The following MGMT variants were observed in gnomAD, a reference collection of about 807,000 sequenced individuals.
MGMT encodes methylated-DNA--protein-cysteine methyltransferase.
Under a neutral mutation model 15.9 loss-of-function variants are expected in MGMT, and 14 were observed. The ratio of observed to expected loss-of-function variants is 0.88; its 90% confidence interval spans 0.58 to 1.37. The LOEUF (loss-of-function observed/expected upper bound fraction) is 1.37, where lower values mean the gene tolerates loss of function less well. Ranked by LOEUF, MGMT falls within the 40% of genes most tolerant of loss-of-function variation. The probability of loss-of-function intolerance (pLI) is 0.00; values close to 1 mark genes in which losing one functional copy is unlikely to be tolerated. For synonymous variants in MGMT, 130 were observed against 118.2 expected (o/e 1.10, Z -0.65); for missense variants, 282 against 268.1 (o/e 1.05, Z -0.36).
At chr10:129,563,653 G>A (rs1014662369) in intron 2 of MGMT, 1 of 152,200 alleles carries the variant, frequency 6.6e-6, no homozygotes, top group African/African-American at 2.4e-5. Flanking sequence ...GGTCAGCCCA[G>A]GGACAGTGCT....
intron 2 of MGMT, among the ~76,000 whole-genome samples, chr10:129,642,717 G>A (rs1847341412): frequency 1.3e-5 from 2 of 152,252 alleles, no homozygotes; most frequent in South Asian, 4.1e-4. Flanking sequence ...CGTTTTCTAA[G>A]CATTCCACAG....
intron 2 of MGMT, among the ~76,000 whole-genome samples, chr10:129,601,153 A>G (rs1846817005): frequency 6.6e-6 from 1 of 151,828 alleles, no homozygotes; most frequent in Non-Finnish European, 1.5e-5. Context: ...AGGCGTCAAC[A>G]TTTGAACCGC....
intron 2 of MGMT, among the ~76,000 whole-genome samples, chr10:129,653,173 A>C (rs1014499652): frequency 2.0e-5 from 3 of 151,612 alleles, no homozygotes; most frequent in African/African-American, 7.3e-5. Context: ...TCAAGACTCT[A>C]CTCCACTGGA....
rs1845413770 is a variant in MGMT, at chr10:129,486,789, A to C, written c.-13+19493A>C. 2.0e-5 allele frequency among the ~76,000 whole-genome samples: 3 copies of C among 152,330 alleles called. No individual in the cohort carries two copies. In the South Asian group the frequency reaches 6.2e-4, roughly 32 times the overall value. Reference sequence around the variant, plus strand: ...ATTGCAGGCTTAAGTGTGTGTCATCACTAGAAATGTATTCTGTTGATGTCT... The same window carrying C: ...ATTGCAGGCTTAAGTGTGTGTCATCCCTAGAAATGTATTCTGTTGATGTCT... On this transcript the variant is annotated intron_variant, in intron 1 of 4. Transcript: ENST00000651593.
At chr10:129,724,779 C>T (rs1445470140) in intron 3 of MGMT, among the ~76,000 whole-genome samples, 1 of 152,176 alleles carries the variant, frequency 6.6e-6, no homozygotes, top group Non-Finnish European at 1.5e-5. Flanking sequence ...AAAACTCTTC[C>T]AACTCTATGT....
intron 1 of MGMT, among the ~76,000 whole-genome samples, chr10:129,480,354 G>A (rs1466897876): frequency 6.6e-6 from 1 of 152,184 alleles, no homozygotes; most frequent in Non-Finnish European, 1.5e-5. Flanking sequence ...TCTCTATGAC[G>A]TTAAAATCCA....
chr10:129,663,268 T>TTTTC (rs1276824002), intron 2 of MGMT, among the ~76,000 whole-genome samples: 1 of 152,154 alleles, frequency 6.6e-6, no homozygotes, highest in African/African-American at 2.4e-5. Context: ...TATTCTTGAA[T>TTTTC]GAAAGTGTAA....
Position 129,759,285 on chromosome 10 carries a change from C to G in MGMT, c.358C>G (p.Leu120Val). The G allele has an allele frequency of 6.2e-7, 1 of 1,614,186 alleles. No homozygotes were observed. The highest frequency in any genetic ancestry group is 1.6e-4 in the Middle Eastern group (1 of 6,062). Reference sequence around the variant, plus strand: ...GATTTCTTACCAGCAATTAGCAGCCCTGGCAGGCAACCCCAAAGCCGCGCG... The same window carrying G: ...GATTTCTTACCAGCAATTAGCAGCCGTGGCAGGCAACCCCAAAGCCGCGCG... ...EVISYQQLAA[L>V]AGNPKAARAV... Residue 120 changes from leucine to valine, a missense_variant, in exon 4 of 5, where the codon CTG becomes GTG. Transcript: ENST00000651593.
At chr10:129,765,155 A>T (rs1439098486) in intron 4 of MGMT, among the ~76,000 whole-genome samples, 1 of 152,004 alleles carries the variant, frequency 6.6e-6, no homozygotes, top group Non-Finnish European at 1.5e-5. Flanking sequence ...GTCCCCCGAG[A>T]TGTCCTGGCC....
Position 129,533,813 on chromosome 10 carries a change from C to T in MGMT, c.-12-2428C>T, listed in dbSNP as rs530848737. On this transcript the variant is annotated intron_variant, in intron 1 of 4. Coordinates refer to ENST00000651593, the MANE Select transcript of MGMT (RefSeq NM_002412.5). The surrounding 1 kb of genome is among the most constrained non-coding windows in gnomAD (Gnocchi z 4.5). Reference sequence around the variant, plus strand: ...CGGGATGGTGGGAGATGTCTGCAGGCGCAGGGCGGAGGCTGTGGGCCAAGA... The same window carrying T: ...CGGGATGGTGGGAGATGTCTGCAGGTGCAGGGCGGAGGCTGTGGGCCAAGA... Among the ~76,000 whole-genome samples, 59 of 152,178 alleles carry T rather than the reference C, an allele frequency of 3.9e-4. No homozygotes were observed. Among genetic ancestry groups the T allele is most frequent in the African/African-American group, 1.3e-3 (53 of 41,512 alleles).
At chr10:129,630,883 G>T (rs1259988730) in intron 2 of MGMT, among the ~76,000 whole-genome samples, 4 of 152,202 alleles carry the variant, frequency 2.6e-5, no homozygotes, top group Non-Finnish European at 5.9e-5. Context: ...TTCACTTAAA[G>T]AAAAATGGCT....
At chr10:129,510,106 G>C (rs10764884) in intron 1 of MGMT, among the ~76,000 whole-genome samples, 71,347 of 152,092 alleles carry the variant, frequency 0.47, 17,202 homozygotes, top group East Asian at 0.63. Context: ...CTGTCTCCTC[G>C]GGAGAACACC....
intron 3 of MGMT, among the ~76,000 whole-genome samples, chr10:129,745,308 G>C (rs545299310): frequency 6.6e-6 from 1 of 152,044 alleles, no homozygotes; most frequent in Non-Finnish European, 1.5e-5. Flanking sequence ...ATGTTAACGC[G>C]TGTGTGTGTT....
chr10:129,521,201 C>T (rs1043442335), intron 1 of MGMT, among the ~76,000 whole-genome samples: 1 of 152,162 alleles, frequency 6.6e-6, no homozygotes, highest in Non-Finnish European at 1.5e-5. Context: ...ACCTCACCAG[C>T]TCCAAGTGCC....
At chr10:129,732,840 G>A (rs1258180570) in intron 3 of MGMT, among the ~76,000 whole-genome samples, 1 of 145,618 alleles carries the variant, frequency 6.9e-6, no homozygotes, top group African/African-American at 2.5e-5. Context: ...AGTTTACTGA[G>A]AATGATGATT....
intron 3 of MGMT, among the ~76,000 whole-genome samples, chr10:129,737,592 G>A (rs934390581): frequency 1.3e-5 from 2 of 152,190 alleles, no homozygotes; most frequent in African/African-American, 4.8e-5. Context: ...TTCCGTTGCT[G>A]GTGAGGAACT....
intron 1 of MGMT, among the ~76,000 whole-genome samples, chr10:129,507,597 G>A (rs148483594): frequency 3.8e-4 from 58 of 152,298 alleles, no homozygotes; most frequent in African/African-American, 1.3e-3. Context: ...TCCGGTGCTG[G>A]GGGAGGAACG....
At chr10:129,730,810 T>C (rs547701592) in intron 3 of MGMT, among the ~76,000 whole-genome samples, 1 of 152,312 alleles carries the variant, frequency 6.6e-6, no homozygotes, top group South Asian at 2.1e-4. Context: ...GAATGACAAT[T>C]ATTTGAATGG....
intron 2 of MGMT, among the ~76,000 whole-genome samples, chr10:129,611,801 C>T (rs1235800223): frequency 1.3e-5 from 2 of 152,190 alleles, no homozygotes; most frequent in Non-Finnish European, 2.9e-5. Context: ...GAAGTATGCA[C>T]CTGCCTCTGA....
Sources: gnomAD v4.1 joint callset for allele counts (sites outside exome capture counted in the v4.1 genomes callset) on GRCh38, gnomAD v4.1.1 for gene constraint, Gnocchi (gnomAD v3.1) non-coding constraint, MANE v1.5 for transcripts, NCBI Gene and HGNC (gene_info 2026-07-23, HGNC 2026-07-21) for gene names.